SHANK2: variants seen among roughly 807,000 people sequenced by gnomAD.
SHANK2 encodes SH3 and multiple ankyrin repeat domains protein 2.
A neutral mutation model predicts 133.7 loss-of-function variants in SHANK2; 43 were observed. The ratio of observed to expected loss-of-function variants is 0.32; its 90% CI spans 0.25 to 0.41. The LOEUF is 0.41. Among genes scored for constraint, SHANK2 ranks in the 10% least tolerant of loss-of-function variants. The probability of loss-of-function intolerance (pLI) is 1.00; values close to 1 mark genes in which losing one functional copy is unlikely to be tolerated. For synonymous variants in SHANK2, 1,017 were observed against 952.8 expected, an observed-to-expected ratio of 1.07 and a Z score of -1.24; for missense variants, 1,994 against 2,235.8, an observed-to-expected ratio of 0.89 and a Z score of 2.18.
intron 14 of SHANK2, among the ~76,000 whole-genome samples, chr11:70,704,129 A>G (rs1336891132): frequency 1.3e-5 from 2 of 152,248 alleles, no homozygotes; most frequent in African/African-American, 4.8e-5. Context: ...CTCGGGAGGA[A>G]GAAGGGCAGG....
At chr11:71,075,564 AT>A (rs1387474944) in intron 8 of SHANK2, among the ~76,000 whole-genome samples, 4 of 152,178 alleles carry the variant, frequency 2.6e-5, no homozygotes, top group Non-Finnish European at 5.9e-5. Flanking sequence ...AGTCCCTTCC[AT>A]CCTGATCCCG....
chr11:70,523,619 C>A (rs1445643815), intron 17 of SHANK2, among the ~76,000 whole-genome samples: 3 of 152,174 alleles, frequency 2.0e-5, no homozygotes, highest in East Asian at 1.9e-4. Context: ...GTCCTGCCCC[C>A]TCCCTGGCTG....
intron 18 of SHANK2, 66 bp downstream of exon 18, chr11:70,502,730 T>TGGGCGGGGGGGGGGGGGGGGGGGGGG: frequency 2.6e-6 from 2 of 772,456 alleles, no homozygotes; most frequent in African/African-American, 2.3e-5. Flanking sequence ...CCAGCTGTCC[T>TGGGCGGGGGGGGGGGGGGGGGGGGGG]GCCCGCCCCC....
At chr11:70,892,904 G>A (rs1230418314) in intron 11 of SHANK2, among the ~76,000 whole-genome samples, 2 of 152,170 alleles carry the variant, frequency 1.3e-5, no homozygotes, top group Non-Finnish European at 2.9e-5. Flanking sequence ...GGGGCCCACA[G>A]AGTCAACTGC....
At chr11:70,872,414 C>T (rs906618910) in intron 11 of SHANK2, 3 of 153,080 alleles carry the variant, frequency 2.0e-5, no homozygotes, top group Middle Eastern at 1.5e-3. Context: ...AAACCCCACA[C>T]GCATGAAGAG....
At chr11:70,600,921 A>G (rs2060486674) in intron 17 of SHANK2, among the ~76,000 whole-genome samples, 1 of 152,166 alleles carries the variant, frequency 6.6e-6, no homozygotes, top group Non-Finnish European at 1.5e-5. Context: ...AAAATCACAA[A>G]CTCTGAAGGA....
intron 3 of SHANK2, among the ~76,000 whole-genome samples, chr11:71,133,346 ATGGC>A (rs57172693): frequency 8.9e-6 from 1 of 111,888 alleles, no homozygotes; most frequent in African/African-American, 3.7e-5. Flanking sequence ...GGGAGGATGC[ATGGC>A]TGGCTGGCTG....
chr11:71,184,365 C>T (rs1953628986), intron 2 of SHANK2, among the ~76,000 whole-genome samples: 1 of 152,172 alleles, frequency 6.6e-6, no homozygotes, highest in Non-Finnish European at 1.5e-5. Flanking sequence ...GGCATCCTGG[C>T]CCCCACGAAA....
intron 2 of SHANK2, among the ~76,000 whole-genome samples, chr11:71,152,603 C>T (rs1223775744): frequency 2.0e-5 from 3 of 152,190 alleles, no homozygotes; most frequent in African/African-American, 4.8e-5. Flanking sequence ...CCCTTGGTAC[C>T]GGCTCTGGGG....
At chr11:70,876,235 CACATATAG>C (rs1949560067) in intron 11 of SHANK2, among the ~76,000 whole-genome samples, 1 of 6,138 alleles carries the variant, frequency 1.6e-4, no homozygotes, top group Non-Finnish European at 7.6e-4. Context: ...TACACACACA[CACATATAG>C]ACACACACAC....
intron 2 of SHANK2, among the ~76,000 whole-genome samples, chr11:71,160,344 C>T (rs1289015330): frequency 8.5e-5 from 13 of 152,158 alleles, no homozygotes; most frequent in Non-Finnish European, 1.8e-4. Context: ...CCCTAACCCC[C>T]AATGTGATGG....
chr11:70,494,818 C>T (rs1030521095), intron 21 of SHANK2, among the ~76,000 whole-genome samples: 3 of 152,150 alleles, frequency 2.0e-5, no homozygotes, highest in East Asian at 3.9e-4. Context: ...AATCTCCCCC[C>T]ACAGCACTCT....
intron 14 of SHANK2, among the ~76,000 whole-genome samples, chr11:70,716,025 C>G (rs782604048): frequency 6.6e-6 from 1 of 152,126 alleles, no homozygotes; most frequent in African/African-American, 2.4e-5. Context: ...GCCTGCCCCT[C>G]CAACACCCAC....
intron 2 of SHANK2, among the ~76,000 whole-genome samples, chr11:71,198,596 C>T (rs1036731862): frequency 6.6e-6 from 1 of 152,174 alleles, no homozygotes; most frequent in African/African-American, 2.4e-5. Flanking sequence ...CAGCTGACCC[C>T]GCAGACGCCG....
At position 70,569,807 on chromosome 11, in the gene SHANK2, G is replaced by A. The variant is rs2060021901; in HGVS notation, c.2062-66876C>T. Among the ~76,000 whole-genome samples the A allele has an allele frequency of 1.3e-5, 2 of 152,142 alleles. No individual in the cohort carries two copies. Among genetic ancestry groups the A allele is most frequent in the Admixed American group, 6.5e-5 (1 of 15,280 alleles). On this transcript the variant is annotated intron_variant, in intron 17 of 25. Coordinates refer to ENST00000601538, the MANE Select transcript of SHANK2 (RefSeq NM_012309.5). The surrounding 1 kb of genome is among the most constrained non-coding windows in gnomAD (Gnocchi z 5.1). Reference sequence around the variant, plus strand: ...TGATGCTGGCAGATGTGTGAGCACGGAGGGGGTTCCTCAGCCCGGGAAAAG... The same window carrying A: ...TGATGCTGGCAGATGTGTGAGCACGAAGGGGGTTCCTCAGCCCGGGAAAAG...
intron 14 of SHANK2, among the ~76,000 whole-genome samples, chr11:70,759,418 G>A (rs1444291315): frequency 6.6e-6 from 1 of 150,656 alleles, no homozygotes; most frequent in East Asian, 2.0e-4. Flanking sequence ...GGAGGCGGAG[G>A]TTGCAGTGAG....
intron 17 of SHANK2, among the ~76,000 whole-genome samples, chr11:70,572,201 C>T (rs782517499): frequency 1.5e-4 from 23 of 152,342 alleles, no homozygotes; most frequent in African/African-American, 2.9e-4. Flanking sequence ...ACTCTGTCGC[C>T]CAGGCTGGAG....
At chr11:70,699,696 G>A (rs1043148513) in intron 14 of SHANK2, among the ~76,000 whole-genome samples, 4 of 152,206 alleles carry the variant, frequency 2.6e-5, no homozygotes, top group African/African-American at 4.8e-5. Flanking sequence ...AATTGAGAAA[G>A]GTCTCCACAC....
intron 8 of SHANK2, among the ~76,000 whole-genome samples, chr11:71,081,981 C>T (rs1565439842): frequency 6.6e-6 from 1 of 152,226 alleles, no homozygotes; most frequent in African/African-American, 2.4e-5. Context: ...CAGTACCTGC[C>T]AGCACCCACG....
Sources: gnomAD v4.1 joint callset for allele counts (sites outside exome capture counted in the v4.1 genomes callset) on GRCh38, gnomAD v4.1.1 for gene constraint, Gnocchi (gnomAD v3.1) non-coding constraint, MANE v1.5 for transcripts, NCBI Gene and HGNC (gene_info 2026-07-23, HGNC 2026-07-21) for gene names.